The following RNF115 variants were observed in gnomAD, a reference collection of about 807,000 sequenced individuals.
The protein encoded by RNF115 is E3 ubiquitin-protein ligase RNF115.
In RNF115, 31 loss-of-function variants were observed where a neutral mutation model predicts 39.2. That is an observed-to-expected ratio of 0.79 (90% CI 0.59 to 1.07). The LOEUF is 1.07. Ranked by LOEUF, RNF115 falls within the 50% of genes least tolerant of loss-of-function variation. The pLI is 0.00. For missense variants in RNF115, 384 were observed against 381.7 expected, an observed-to-expected ratio of 1.01 and a Z score of -0.05; for synonymous variants, 124 against 131.0, an observed-to-expected ratio of 0.95 and a Z score of 0.37.
At chr1:145,816,122 CG>C (rs1649985753) in intron 1 of RNF115, among the ~76,000 whole-genome samples, 1 of 31,684 alleles carries the variant, frequency 3.2e-5, no homozygotes, top group South Asian at 1.1e-3. Flanking sequence ...TGCAATGGCA[CG>C]ATCTCAGCTC....
intron 4 of RNF115, among the ~76,000 whole-genome samples, chr1:145,767,018 C>T (rs1216185359): frequency 2.3e-5 from 3 of 131,858 alleles, no homozygotes; most frequent in South Asian, 2.4e-4. Context: ...TAGGGGTGGC[C>T]GGGCAGAGGC....
In RNF115 at chr1:145,753,055, A is replaced by G. The variant is rs1553712733; in HGVS notation, c.429-6T>C. The G allele has an allele frequency of 1.9e-6, 3 of 1,596,822 alleles. No homozygotes were observed. Among genetic ancestry groups the G allele is most frequent in the Middle Eastern group, 1.7e-4 (1 of 6,046 alleles). ...CAAAGATGTGTTGTAGTATTCTGTT[A>G]CAGAAGAAAAAATTAGATAAGACAA... On this transcript the variant is annotated splice_region_variant and splice_polypyrimidine_tract_variant and intron_variant, in intron 4 of 8. Transcript: ENST00000582693.
intron 4 of RNF115, among the ~76,000 whole-genome samples, chr1:145,764,724 G>C (rs903083852): frequency 6.6e-6 from 1 of 151,042 alleles, no homozygotes; most frequent in Non-Finnish European, 1.5e-5. Flanking sequence ...GTCAGCCCCC[G>C]CCCGGCCAGC....
intron 1 of RNF115, among the ~76,000 whole-genome samples, chr1:145,795,414 G>C (rs1264253952): frequency 6.6e-6 from 1 of 151,996 alleles, no homozygotes; most frequent in African/African-American, 2.4e-5. Flanking sequence ...ATTTGTCCCC[G>C]CCCACGTCCT....
intron 1 of RNF115, among the ~76,000 whole-genome samples, chr1:145,798,748 TG>T (rs150523397): frequency 0.01 from 1,596 of 152,312 alleles, 17 homozygotes; most frequent in Non-Finnish European, 0.018. Context: ...TAGATCGCTT[TG>T]GGAAGAATTC....
At chr1:145,774,655 T>C (rs1352412055) in intron 3 of RNF115, among the ~76,000 whole-genome samples, 1 of 152,154 alleles carries the variant, frequency 6.6e-6, no homozygotes, top group Non-Finnish European at 1.5e-5. Flanking sequence ...CCAGCCACAT[T>C]TATTTCTTAA....
In RNF115 at chr1:145,789,700, CTTTTTTTTTT is replaced by C. The variant is rs67276251; in HGVS notation, c.103-744_103-735del. Reference sequence around the variant, plus strand: ...GGTGTGAGCCACCACACCCGGACTTCTTTTTTTTTTTTTTTTTTTTTTTTTGAGATGGAGT... The same window carrying C: ...GGTGTGAGCCACCACACCCGGACTTCTTTTTTTTTTTTTTTGAGATGGAGT... On this transcript the variant is annotated intron_variant, in intron 1 of 8. Coordinates refer to ENST00000582693, the MANE Select transcript of RNF115 (RefSeq NM_014455.4). Among the ~76,000 whole-genome samples the C allele has an allele frequency of 3.2e-4, 28 of 86,764 alleles. No homozygotes were observed. The South Asian group carries it at 9.1e-3, about 28-fold the overall frequency. The allele number at this position is 86,764 out of a possible 152,430, so 56.9% of individuals were successfully genotyped here.
intron 3 of RNF115, among the ~76,000 whole-genome samples, chr1:145,783,897 C>A (rs1648258761): frequency 6.6e-6 from 1 of 151,548 alleles, no homozygotes; most frequent in Admixed American, 6.6e-5. Context: ...GAAAATTACT[C>A]TGGATTCAAT....
At chr1:145,791,533 A>G (rs587682525) in intron 1 of RNF115, among the ~76,000 whole-genome samples, 130 of 152,024 alleles carry the variant, frequency 8.6e-4, no homozygotes, top group Middle Eastern at 6.8e-3. Flanking sequence ...AAAAAGAGAA[A>G]GAGAGACATA....
rs1406498367 is a variant in RNF115 at position 145,745,066 on chromosome 1, TA to T, written c.*1799del. 6.6e-6 allele frequency: 1 copy of T among 152,196 alleles called. No homozygotes were observed. Among genetic ancestry groups the T allele is most frequent in the Non-Finnish European group, 1.5e-5 (1 of 68,036 alleles). The allele number at this position is 152,196 out of a possible 1,614,324, so 9.4% of individuals were successfully genotyped here. A position where few individuals can be genotyped will look rare whatever the true frequency, so the allele number is the denominator to read the frequency against. On this transcript the variant is annotated 3_prime_UTR_variant, in exon 9 of 9. Coordinates refer to ENST00000582693, the MANE Select transcript of RNF115 (RefSeq NM_014455.4). ...GCTTAAAAATTAAAATGTGACAATG[TA>T]AAATCTTAACTCCTGAAGACCAATG...
intron 8 of RNF115, 152 bp from the exon 9 acceptor site, chr1:145,747,149 G>T: frequency 1.3e-6 from 1 of 754,792 alleles, no homozygotes; most frequent in Non-Finnish European, 2.2e-6. Context: ...GCATGCACTG[G>T]CTCTAAGGTG....
intron 1 of RNF115, among the ~76,000 whole-genome samples, chr1:145,809,183 ATTTTTT>A (rs71077279): frequency 1.2e-3 from 163 of 134,014 alleles, no homozygotes; most frequent in Middle Eastern, 7.5e-3. Flanking sequence ...GTTTTCAAGG[ATTTTTT>A]TTTTTTTTTT....
chr1:145,813,158 T>C (rs1441546997), intron 1 of RNF115, among the ~76,000 whole-genome samples: 9 of 151,804 alleles, frequency 5.9e-5, no homozygotes, highest in Non-Finnish European at 1.0e-4. Context: ...CCATTCCTCA[T>C]TCAAGCTTCC....
At chr1:145,776,451 A>G (rs1647891086) in intron 3 of RNF115, among the ~76,000 whole-genome samples, 1 of 151,984 alleles carries the variant, frequency 6.6e-6, no homozygotes, top group Admixed American at 6.5e-5. Flanking sequence ...GGCATTAGCC[A>G]CTGCACCCAG....
At chr1:145,811,908 A>AAAAAAATAT (rs1553722706) in intron 1 of RNF115, among the ~76,000 whole-genome samples, 1 of 55,152 alleles carries the variant, frequency 1.8e-5, no homozygotes, top group African/African-American at 5.7e-5. Flanking sequence ...AAAAAAAAAA[A>AAAAAAATAT]ATATATATAT....
At chr1:145,773,479 GAAAGAA>G (rs1253813471) in intron 3 of RNF115, 1 of 151,632 alleles carries the variant, frequency 6.6e-6, no homozygotes, top group Non-Finnish European at 1.5e-5. Flanking sequence ...AAAAAAAAAA[GAAAGAA>G]AAAGAAAAGT....
At chr1:145,796,341 T>C (rs1648976910) in intron 1 of RNF115, among the ~76,000 whole-genome samples, 1 of 152,220 alleles carries the variant, frequency 6.6e-6, no homozygotes, top group African/African-American at 2.4e-5. Flanking sequence ...AAGTTGATAA[T>C]TGTTGAAGCT....
chr1:145,812,365 C>G (rs1325382489), intron 1 of RNF115, among the ~76,000 whole-genome samples: 1 of 150,450 alleles, frequency 6.6e-6, no homozygotes, highest in Non-Finnish European at 1.5e-5. Flanking sequence ...GAAGACAAAA[C>G]TAACTGGTCT....
intron 3 of RNF115, chr1:145,773,625 A>G (rs1196473046): frequency 6.6e-6 from 1 of 152,136 alleles, no homozygotes; most frequent in Non-Finnish European, 1.5e-5. Context: ...CAGAGGTGAA[A>G]GCTAATGGCC....
Sources: gnomAD v4.1 joint callset for allele counts (sites outside exome capture counted in the v4.1 genomes callset) on GRCh38, gnomAD v4.1.1 for gene constraint, MANE v1.5 for transcripts, NCBI Gene and HGNC (gene_info 2026-07-23, HGNC 2026-07-21) for gene names.